The following MAP3K5 variants were observed in gnomAD, a reference collection of about 807,000 sequenced individuals.
MAP3K5 encodes ASK-1.
In MAP3K5, 56 loss-of-function variants were observed where a neutral mutation model predicts 158.7. That is an observed-to-expected ratio of 0.35 (90% CI 0.28 to 0.44). MAP3K5 has a LOEUF of 0.44. MAP3K5 is among the 20% of genes least tolerant of loss of function. The pLI is 1.00. For missense variants in MAP3K5, 1,294 were observed against 1,674.8 expected, an observed-to-expected ratio of 0.77 and a Z score of 3.97; for synonymous variants, 579 against 601.7, an observed-to-expected ratio of 0.96 and a Z score of 0.55.
intron 1 of MAP3K5, among the ~76,000 whole-genome samples, chr6:136,725,595 G>T (rs1004198041): frequency 7.2e-5 from 11 of 152,102 alleles, no homozygotes; most frequent in African/African-American, 2.4e-4. Context: ...TATATTTTCT[G>T]AATATTGTTC....
At chr6:136,690,647 T>C (rs1441890784) in intron 7 of MAP3K5, among the ~76,000 whole-genome samples, 1 of 152,232 alleles carries the variant, frequency 6.6e-6, no homozygotes, top group South Asian at 2.1e-4. Flanking sequence ...GTTCATATCC[T>C]ATGCATTTTT....
intron 1 of MAP3K5, among the ~76,000 whole-genome samples, chr6:136,775,483 A>T (rs913555709): frequency 2.0e-5 from 3 of 152,238 alleles, no homozygotes; most frequent in Non-Finnish European, 2.9e-5. Context: ...CTCCTGTCAT[A>T]GCCTTTTTCT....
chr6:136,606,496 C>A (rs1776107482), intron 18 of MAP3K5, among the ~76,000 whole-genome samples: 1 of 152,148 alleles, frequency 6.6e-6, no homozygotes. Flanking sequence ...GCCTAGTATA[C>A]CCCAGGTAAA....
rs530184868 is a variant in MAP3K5 at position 136,727,441 on chromosome 6, C to T, written c.449-6852G>A. On this transcript the variant is annotated intron_variant, in intron 1 of 29. Transcript: ENST00000359015. The stretch of plus-strand genomic sequence containing the variant: ...GTTGCCACCAGAATTCAAACCCAAG[C>T]AATCCAGCTCTAGAGTCCAAGCTCT... Among the ~76,000 whole-genome samples the T allele has an allele frequency of 4.6e-5, 7 of 152,320 alleles. No individual in the cohort carries two copies. The East Asian group carries it at 1.2e-3, about 25-fold the overall frequency.
intron 7 of MAP3K5, among the ~76,000 whole-genome samples, chr6:136,675,133 AATAGGAAAATATAACAGTCCC>A (rs1161341877): frequency 1.3e-5 from 2 of 151,998 alleles, no homozygotes; most frequent in East Asian, 3.8e-4. Flanking sequence ...AGGTAAATTC[AATAGGAAAATATAACAGTCCC>A]AAATGTACCT....
intron 14 of MAP3K5, among the ~76,000 whole-genome samples, chr6:136,634,589 T>G (rs940793273): frequency 6.6e-6 from 1 of 151,298 alleles, no homozygotes; most frequent in Non-Finnish European, 1.5e-5. Context: ...TTTCTTTTCT[T>G]TTTTTTTTGA....
At chr6:136,635,725 C>CAA (rs140167177) in intron 14 of MAP3K5, among the ~76,000 whole-genome samples, 136 of 67,840 alleles carry the variant, frequency 2.0e-3, no homozygotes, top group African/African-American at 7.2e-3. Context: ...CCGTCTCCAC[C>CAA]AAAAAAAAAA....
chr6:136,764,402 T>A (rs1351002436), intron 1 of MAP3K5, among the ~76,000 whole-genome samples: 2 of 152,158 alleles, frequency 1.3e-5, no homozygotes, highest in Non-Finnish European at 2.9e-5. Context: ...AGAACACAGA[T>A]ACCATGAGAG....
intron 24 of MAP3K5, among the ~76,000 whole-genome samples, chr6:136,580,809 A>T (rs112475145): frequency 1.3e-5 from 2 of 151,948 alleles, no homozygotes; most frequent in African/African-American, 4.8e-5. Flanking sequence ...TCTTCTTATT[A>T]TTATTATTAT....
intron 7 of MAP3K5, among the ~76,000 whole-genome samples, chr6:136,680,243 T>C (rs1779876392): frequency 6.6e-6 from 1 of 152,110 alleles, no homozygotes; most frequent in Admixed American, 6.5e-5. Flanking sequence ...ATGAAAAAAT[T>C]TTCTGTGGAT....
At chr6:136,752,083 C>G (rs1441580819) in intron 1 of MAP3K5, among the ~76,000 whole-genome samples, 1 of 152,164 alleles carries the variant, frequency 6.6e-6, no homozygotes, top group Non-Finnish European at 1.5e-5. Flanking sequence ...TCCCTTCATT[C>G]CTACTTCCAT....
chr6:136,708,241 T>C (rs1376726220), intron 2 of MAP3K5, among the ~76,000 whole-genome samples: 2 of 152,026 alleles, frequency 1.3e-5, no homozygotes, highest in Admixed American at 1.3e-4. Context: ...TTGATGATGT[T>C]ACTTAGTATT....
rs1052372864 is a variant in MAP3K5 at position 136,613,734 on chromosome 6, T to C, written c.2278+425A>G. Among the ~76,000 whole-genome samples, 3 of 151,896 alleles carry C rather than the reference T, an allele frequency of 2.0e-5. No individual in the cohort carries two copies. The South Asian group carries it at 6.2e-4, about 32-fold the overall frequency. ...AGACTGAATGGTGCCAAAGAAAAGA[T>C]CCCCCGAGACCATTACCCCTCCTTA... On this transcript the variant is annotated intron_variant, in intron 16 of 29. Coordinates refer to ENST00000359015, the MANE Select transcript of MAP3K5 (RefSeq NM_005923.4). The surrounding 1 kb of genome is among the most constrained non-coding windows in gnomAD (Gnocchi z 4.0).
At chr6:136,655,805 A>G (rs1045613156) in intron 10 of MAP3K5, among the ~76,000 whole-genome samples, 1 of 152,162 alleles carries the variant, frequency 6.6e-6, no homozygotes, top group Non-Finnish European at 1.5e-5. Flanking sequence ...CAGACCAGAA[A>G]CTGCAAGTCA....
intron 7 of MAP3K5, among the ~76,000 whole-genome samples, chr6:136,684,284 C>T (rs751149754): frequency 6.6e-6 from 1 of 151,912 alleles, no homozygotes; most frequent in Non-Finnish European, 1.5e-5. Context: ...TTCCTGTAAG[C>T]CTCCCTCATT....
intron 1 of MAP3K5, among the ~76,000 whole-genome samples, chr6:136,723,805 G>A (rs922010731): frequency 2.0e-5 from 3 of 152,146 alleles, no homozygotes; most frequent in Non-Finnish European, 2.9e-5. Flanking sequence ...TGGGAAGACA[G>A]GTCAAAGGAG....
intron 28 of MAP3K5, among the ~76,000 whole-genome samples, chr6:136,560,566 G>T (rs1247916456): frequency 1.3e-5 from 2 of 152,136 alleles, no homozygotes; most frequent in East Asian, 3.8e-4. Flanking sequence ...AAATATTTCT[G>T]AAATAAGTCG....
chr6:136,692,697 T>G (rs1008603785), intron 7 of MAP3K5, among the ~76,000 whole-genome samples: 2 of 152,228 alleles, frequency 1.3e-5, no homozygotes, highest in Admixed American at 6.5e-5. Context: ...TAGACCATTT[T>G]CCCAGTCTTA....
chr6:136,681,733 G>T (rs1562607474), intron 7 of MAP3K5, among the ~76,000 whole-genome samples: 1 of 152,136 alleles, frequency 6.6e-6, no homozygotes, highest in Non-Finnish European at 1.5e-5. Flanking sequence ...TGGCTAACAT[G>T]GTGAAACTCC....
Sources: allele counts gnomAD v4.1 joint callset (sites outside exome capture counted in the v4.1 genomes callset), GRCh38; gene constraint gnomAD v4.1.1; non-coding constraint Gnocchi (gnomAD v3.1); transcripts MANE v1.5; gene names NCBI Gene and HGNC (gene_info 2026-07-23, HGNC 2026-07-21).